The following LRCH2 variants were observed in gnomAD, a reference collection of about 807,000 sequenced individuals.
LRCH2 encodes leucine-rich repeat and calponin homology domain-containing protein 2.
In LRCH2, 38 loss-of-function variants were observed where a neutral mutation model predicts 68.9. The ratio of observed to expected loss-of-function variants is 0.55; its 90% CI spans 0.43 to 0.72. The LOEUF is 0.72. LRCH2 is among the 30% of genes least tolerant of loss of function. LRCH2 has a pLI of 0.00. For missense variants in LRCH2, 528 were observed against 572.9 expected, an observed-to-expected ratio of 0.92 and a Z score of 0.80; for synonymous variants, 191 against 208.1, an observed-to-expected ratio of 0.92 and a Z score of 0.71.
At chrX:115,219,459 G>T (rs997436228) in intron 1 of LRCH2, among the ~76,000 whole-genome samples, 4 of 111,290 alleles carry the variant, frequency 3.6e-5, no homozygotes, top group Non-Finnish European at 7.5e-5. Flanking sequence ...AAGTGGTCAA[G>T]CAGCCCCTAC....
chrX:115,232,888 A>G (rs2147375407), intron 1 of LRCH2, among the ~76,000 whole-genome samples: 1 of 112,236 alleles, frequency 8.9e-6, no homozygotes, highest in South Asian at 3.7e-4. Flanking sequence ...CAGAGAGTAT[A>G]TGAAGAACAT....
intron 1 of LRCH2, among the ~76,000 whole-genome samples, chrX:115,203,737 C>T (rs781860143): frequency 1.8e-5 from 2 of 112,703 alleles, no homozygotes; most frequent in East Asian, 5.6e-4. Context: ...CAAGGCCTTG[C>T]GTAGCTCTAC....
At chrX:115,203,531 C>T (rs1306687915) in intron 1 of LRCH2, among the ~76,000 whole-genome samples, 6 of 112,620 alleles carry the variant, frequency 5.3e-5, no homozygotes, top group Middle Eastern at 4.7e-3. Context: ...TAGTTACTTC[C>T]TATATACAAT....
At chrX:115,116,719 T>A (rs1163314924) in intron 20 of LRCH2, among the ~76,000 whole-genome samples, 2 of 110,875 alleles carry the variant, frequency 1.8e-5, no homozygotes, top group Non-Finnish European at 3.8e-5. Flanking sequence ...ATATGCCCAA[T>A]CTCAGGCTTA....
intron 20 of LRCH2, among the ~76,000 whole-genome samples, chrX:115,116,780 C>G (rs782677273): frequency 2.7e-5 from 3 of 111,036 alleles, no homozygotes; most frequent in Non-Finnish European, 5.7e-5. Context: ...AAAACTAACT[C>G]AAAATTGATC....
Position 115,170,370 on chromosome X carries a change from C to A in LRCH2, c.927G>T (p.Met309Ile), listed in dbSNP as rs1556547113. The change falls in exon 6 of 21, where the codon ATG (methionine) becomes ATT (isoleucine). Residue 309 changes from methionine to isoleucine, a missense_variant. Physicochemically the swap from Met to Ile is conservative, Grantham distance 10. Coordinates refer to ENST00000317135, the MANE Select transcript of LRCH2 (RefSeq NM_020871.4). ...GATCCAGGGAATCTGGTTTCTTATCCATTCTGCAACATGCTTGAATATTTA... is the reference window on the plus strand; with the variant it reads ...GATCCAGGGAATCTGGTTTCTTATCAATTCTGCAACATGCTTGAATATTTA... ...KYLNIQACCR[M>I]DKKPDSLDLP... 1 of 1,176,809 alleles carries A rather than the reference C, an allele frequency of 8.5e-7. No homozygotes were observed. Among genetic ancestry groups the A allele is most frequent in the Non-Finnish European group, 1.1e-6 (1 of 877,538 alleles).
At chrX:115,166,693 C>A (rs2072562671) in intron 6 of LRCH2, among the ~76,000 whole-genome samples, 2 of 110,859 alleles carry the variant, frequency 1.8e-5, no homozygotes, top group Non-Finnish European at 3.8e-5. Context: ...TTCGAAACAT[C>A]TTTTAACTTC....
intron 1 of LRCH2, chrX:115,191,169 C>G: frequency 8.6e-7 from 1 of 1,164,781 alleles, no homozygotes; most frequent in Non-Finnish European, 1.1e-6. Context: ...GTGGGGGCCA[C>G]GACAGTTCCA....
chrX:115,190,182 C>T (rs892714612), intron 1 of LRCH2: 32 of 1,165,234 alleles, frequency 2.7e-5, no homozygotes, highest in South Asian at 7.6e-5. Context: ...CCCCGTGCCG[C>T]GACCCTGGGG....
chrX:115,221,199 AAAAAAAAAAAAATATATATATAT>A (rs2073079727), intron 1 of LRCH2, among the ~76,000 whole-genome samples: 3 of 7,321 alleles, frequency 4.1e-4, no homozygotes, highest in African/African-American at 6.1e-4. Flanking sequence ...AAAAAAAAAA[AAAAAAAAAAAAATATATATATAT>A]ATATATATAT....
At chrX:115,206,988 T>G (rs1259297230) in intron 1 of LRCH2, among the ~76,000 whole-genome samples, 2 of 111,036 alleles carry the variant, frequency 1.8e-5, no homozygotes, top group African/African-American at 6.6e-5. Flanking sequence ...ATATTTTCCA[T>G]CAAAAAAGTG....
intron 1 of LRCH2, among the ~76,000 whole-genome samples, chrX:115,199,733 A>T (rs1446316656): frequency 8.9e-6 from 1 of 112,160 alleles, no homozygotes; most frequent in African/African-American, 3.2e-5. Context: ...ACGGCATTAG[A>T]CAGATCATCC....
At chrX:115,188,033 TAA>T (rs1322780038) in intron 2 of LRCH2, among the ~76,000 whole-genome samples, 191 bp downstream of exon 2, 1 of 112,140 alleles carries the variant, frequency 8.9e-6, no homozygotes, top group African/African-American at 3.2e-5. Flanking sequence ...TCCTGTGTGT[TAA>T]AGTTTGCTAA....
chrX:115,144,071 G>A (rs905821116), intron 14 of LRCH2, among the ~76,000 whole-genome samples: 6 of 111,160 alleles, frequency 5.4e-5, no homozygotes, highest in Non-Finnish European at 9.4e-5. Context: ...GGTTTTTCCC[G>A]TGTTGTTCTC....
chrX:115,138,866 C>T (rs2072312225), intron 14 of LRCH2, among the ~76,000 whole-genome samples: 1 of 111,836 alleles, frequency 8.9e-6, no homozygotes, highest in African/African-American at 3.2e-5. Context: ...TAATTCAACT[C>T]GGCTATCCCC....
At position 115,192,262 on chromosome X, in the gene LRCH2, C is replaced by G. The variant is rs1385771473; in HGVS notation, c.350-3892G>C. 3 of 1,157,699 alleles carry G rather than the reference C, an allele frequency of 2.6e-6. No individual in the cohort carries two copies. In the Admixed American group the frequency reaches 8.1e-5, roughly 31 times the overall value. On this transcript the variant is annotated intron_variant, in intron 1 of 20. Coordinates refer to ENST00000317135, the MANE Select transcript of LRCH2 (RefSeq NM_020871.4). ...TTCCAACAACAGTCATGGCCGGAGC[C>G]ACCGCTACGGAGGAGGAGGCCGCTA... is the stretch of plus-strand genomic sequence containing the variant.
intron 1 of LRCH2, chrX:115,198,586 C>T: frequency 6.4e-6 from 1 of 157,421 alleles, no homozygotes; most frequent in East Asian, 1.6e-4. Context: ...GGCTTCACCC[C>T]ATACGAGCGG....
intron 10 of LRCH2, among the ~76,000 whole-genome samples, chrX:115,164,194 C>T (rs1438746196): frequency 2.7e-5 from 3 of 111,179 alleles, no homozygotes; most frequent in Non-Finnish European, 5.7e-5. Context: ...CTGTTTTTAT[C>T]AGTTTATTGA....
intron 1 of LRCH2, among the ~76,000 whole-genome samples, chrX:115,201,834 A>G (rs1305229805): frequency 8.9e-6 from 1 of 111,913 alleles, no homozygotes; most frequent in East Asian, 2.8e-4. Flanking sequence ...CATATAAAAC[A>G]CAGTAGCATT....
Sources: gnomAD v4.1 joint callset for allele counts (sites outside exome capture counted in the v4.1 genomes callset) on GRCh38, gnomAD v4.1.1 for gene constraint, MANE v1.5 for transcripts, NCBI Gene and HGNC (gene_info 2026-07-23, HGNC 2026-07-21) for gene names.